IL27: variants seen among roughly 807,000 people sequenced by gnomAD.
The protein encoded by IL27 is interleukin-27 subunit alpha.
In IL27, 11 loss-of-function variants were observed where a neutral mutation model predicts 27.0. The observed-to-expected ratio is 0.41, with a 90% CI of 0.26 to 0.67. The LOEUF is 0.67. Among genes scored for constraint, IL27 ranks in the 30% least tolerant of loss-of-function variants. The probability of loss-of-function intolerance (pLI) is 0.34; values close to 1 mark genes in which losing one functional copy is unlikely to be tolerated. For missense variants in IL27, 299 were observed against 310.4 expected, an observed-to-expected ratio of 0.96 and a Z score of 0.28; for synonymous variants, 134 against 140.6, an observed-to-expected ratio of 0.95 and a Z score of 0.33.
chr16:28,499,804 G>A lies in IL27; in HGVS notation c.579C>T (p.Ala193=), dbSNP rs752988886. Reference sequence around the variant, plus strand: ...AGAGGAGCTGGGGCCAGGACACCTGGGCCGGGCCCTGTAAGGCGCTGCCCA... The same window carrying A: ...AGAGGAGCTGGGGCCAGGACACCTGAGCCGGGCCCTGTAAGGCGCTGCCCA... ...GALGSALQGP[A]QVSWPQLLST... is the part of the protein sequence containing the mutation. Residue 193 remains alanine (A), a synonymous_variant, in exon 5 of 5, where the codon GCC becomes GCT. Transcript: ENST00000356897. The A allele has an allele frequency of 1.9e-6, 3 of 1,605,066 alleles. No homozygotes were observed. In the African/African-American group the frequency reaches 4.0e-5, roughly 22 times the overall value.
At chr16:28,501,876 C>G in intron 4 of IL27, 100 bp downstream of exon 4, 1 of 1,385,702 alleles carries the variant, frequency 7.2e-7, no homozygotes, top group Non-Finnish European at 9.9e-7. Flanking sequence ...CACACTCACA[C>G]TCTCACACTC....
intron 1 of IL27, 117 bp from the exon 2 acceptor site, chr16:28,504,167 T>C (rs2046449062): frequency 3.7e-6 from 4 of 1,069,326 alleles, no homozygotes; most frequent in Admixed American, 3.0e-5. Context: ...ACCAGCATCA[T>C]TCCTCTGCCT....
chr16:28,505,963 A>G (rs1188470182), intron 1 of IL27, among the ~76,000 whole-genome samples: 1 of 151,954 alleles, frequency 6.6e-6, no homozygotes, highest in Non-Finnish European at 1.5e-5. Context: ...CTAACGTAAG[A>G]TCTCTGGCAT....
chr16:28,506,719 C>A, intron 1 of IL27, 62 bp downstream of exon 1: 1 of 1,563,652 alleles, frequency 6.4e-7, no homozygotes. Flanking sequence ...TCTGCACCAG[C>A]CAAGCTCGTC....
chr16:28,503,950 C>G lies in IL27; in HGVS notation c.132G>C (p.Arg44=), dbSNP rs780163248. ...GATGCAGGCTGACTGTGAACTCCCT[C>G]CGCAGCTCCTGCAGGCTCAGCTGGG... ...GRPQLSLQEL[R]REFTVSLHLA... is the part of the protein sequence containing the mutation. The change falls in exon 2 of 5, where the codon CGG becomes CGC. Residue 44 remains arginine (R), a synonymous_variant. Coordinates refer to ENST00000356897, the MANE Select transcript of IL27 (RefSeq NM_145659.3). The G allele has an allele frequency of 1.1e-5, 17 of 1,614,096 alleles. No homozygotes were observed. The South Asian group carries it at 1.9e-4, about 18-fold the overall frequency.
rs200290289 is a variant in IL27, at chr16:28,503,734, A to C, written c.264T>G (p.Pro88=). ...LYLLPLGEQL[P]DVSLTFQAWR... ...AGGCCTGGAAGGTCAGGGAAACATC[A>C]GGGAGCTGCTCTCCCAGGGGCAGGA... Residue 88 remains proline, a synonymous_variant, in exon 3 of 5, where the codon CCT becomes CCG. Transcript: ENST00000356897. The C allele has an allele frequency of 3.1e-6, 5 of 1,613,524 alleles. No individual in the cohort carries two copies. In the African/African-American group the frequency reaches 5.3e-5, roughly 17 times the overall value.
rs554944909 is a variant in IL27 at position 28,503,431 on chromosome 16, T to C, written c.303+264A>G. 7.2e-5 allele frequency among the ~76,000 whole-genome samples: 11 copies of C among 152,268 alleles called. No individual in the cohort carries two copies. The East Asian group carries it at 2.1e-3, about 29-fold the overall frequency. On this transcript the variant is annotated intron_variant, in intron 3 of 4. Coordinates refer to ENST00000356897, the MANE Select transcript of IL27 (RefSeq NM_145659.3). ...TGCCTGGCTAACTCTTAAATTTTTT[T>C]TTGTAGAGACAAAGTTTCACTATGT...
At position 28,504,475 on chromosome 16, in the gene IL27, A is replaced by AAAAACAAAACAAAACAAAAC. The variant is rs200363028; in HGVS notation, c.32-445_32-426dup. Among the ~76,000 whole-genome samples, 3 of 151,488 alleles carry AAAAACAAAACAAAACAAAAC rather than the reference A, an allele frequency of 2.0e-5. No homozygotes were observed. The East Asian group carries it at 5.8e-4, about 29-fold the overall frequency. ...GCGACAGAGCCAGACTCTGTCTCAA[A>AAAAACAAAACAAAACAAAAC]AAAACAAAACAAAACAAAACAAAAC... On this transcript the variant is annotated intron_variant, in intron 1 of 4. Transcript: ENST00000356897.
chr16:28,502,675 G>A (rs904649265), intron 3 of IL27, among the ~76,000 whole-genome samples: 1 of 151,408 alleles, frequency 6.6e-6, no homozygotes, highest in Non-Finnish European at 1.5e-5. Context: ...CTAACTATCC[G>A]CATTCTCACC....
At position 28,503,986 on chromosome 16, in the gene IL27, G is replaced by C. The variant is rs762762170; in HGVS notation, c.96C>G (p.Pro32=). ...VQAGVWGFPR[P]PGRPQLSLQE... is the part of the protein sequence containing the mutation. ...GCAGGCTCAGCTGGGGCCTCCCTGG[G>C]GGCCTTGGGAATCCCCAGACACCAG... Residue 32 remains proline, a synonymous_variant, in exon 2 of 5, where the codon CCC becomes CCG. Coordinates refer to ENST00000356897, the MANE Select transcript of IL27 (RefSeq NM_145659.3). 4 of 1,613,874 alleles carry C rather than the reference G, an allele frequency of 2.5e-6. No homozygotes were observed. In the Admixed American group the frequency reaches 6.7e-5, roughly 27 times the overall value.
chr16:28,499,642 A>G lies in IL27; in HGVS notation c.*9T>C. The stretch of plus-strand genomic sequence containing the variant: ...AAGGGTGGGGGGCAGGGGGCTAAGA[A>G]GCCACCGATCAGGGCTGGGGGCTCA... On this transcript the variant is annotated 3_prime_UTR_variant, in exon 5 of 5. Transcript: ENST00000356897. 1 of 1,602,200 alleles carries G rather than the reference A, an allele frequency of 6.2e-7. No individual in the cohort carries two copies. The highest frequency in any genetic ancestry group is 8.5e-7 in the Non-Finnish European group (1 of 1,173,724).
intron 4 of IL27, among the ~76,000 whole-genome samples, chr16:28,501,745 ACACTCT>A (rs1320585841): frequency 2.9e-5 from 4 of 136,732 alleles, no homozygotes. Flanking sequence ...CCACACTCAC[ACACTCT>A]CACAGTCACA....
intron 1 of IL27, among the ~76,000 whole-genome samples, chr16:28,506,432 G>A (rs756613941): frequency 1.3e-5 from 2 of 152,102 alleles, no homozygotes; most frequent in Non-Finnish European, 2.9e-5. Context: ...CCTCCAGCCG[G>A]CCCCATTCTC....
intron 4 of IL27, among the ~76,000 whole-genome samples, chr16:28,500,356 CCT>C (rs1294992066): frequency 1.3e-5 from 2 of 152,026 alleles, no homozygotes; most frequent in African/African-American, 4.8e-5. Context: ...CTCACTGCAA[CCT>C]CTGTCTCCCC....
rs747064370 is a variant in IL27, at chr16:28,503,952, G to T, written c.130C>A (p.Arg44=). The T allele has an allele frequency of 4.3e-6, 7 of 1,614,034 alleles. No individual in the cohort carries two copies. In the Admixed American group the frequency reaches 5.0e-5, roughly 12 times the overall value. The part of the protein sequence containing the change: ...GRPQLSLQEL[R]REFTVSLHLA... ...TGCAGGCTGACTGTGAACTCCCTCC[G>T]CAGCTCCTGCAGGCTCAGCTGGGGC... The change falls in exon 2 of 5, where the codon CGG becomes AGG. Residue 44 remains arginine (R), a synonymous_variant. Coordinates refer to ENST00000356897, the MANE Select transcript of IL27 (RefSeq NM_145659.3).
chr16:28,503,544 T>A, intron 3 of IL27, 151 bp downstream of exon 3: 1 of 628,026 alleles, frequency 1.6e-6, no homozygotes, highest in Non-Finnish European at 2.8e-6. Context: ...TAAGTCACCA[T>A]GCCTGTCTTT....
In IL27 at chr16:28,503,904, C is replaced by T. The variant is rs755024445; in HGVS notation, c.178G>A (p.Glu60Lys). ...SLHLARKLLS[E>K]VRGQAHRFAE... ...AAGCGGTGGGCCTGGCCCCGAACCT[C>T]GGAGAGCAGCTTCCTGGCGAGATGC... The change falls in exon 2 of 5, where the codon GAG becomes AAG. Residue 60 changes from glutamate to lysine, a missense_variant. Physicochemically the swap from Glu to Lys is moderately conservative, Grantham distance 56 (BLOSUM62 1). Transcript: ENST00000356897. The T allele has an allele frequency of 3.7e-6, 6 of 1,614,056 alleles. No homozygotes were observed. Among genetic ancestry groups the T allele is most frequent in the African/African-American group, 1.3e-5 (1 of 74,936 alleles).
chr16:28,502,015 C>T lies in IL27; in HGVS notation c.423G>A (p.Arg141=). ...GCCGCTGCAGATCGCGGAGGTCCAGCCTCATGGCCCACAGCTGCATCCTCT... is the reference window on the plus strand; with the variant it reads ...GCCGCTGCAGATCGCGGAGGTCCAGTCTCATGGCCCACAGCTGCATCCTCT... ...NMERMQLWAM[R]LDLRDLQRHL... The change falls in exon 4 of 5, where the codon AGG becomes AGA. Residue 141 remains arginine, a synonymous_variant. Transcript: ENST00000356897. The T allele has an allele frequency of 6.2e-7, 1 of 1,611,888 alleles. No individual in the cohort carries two copies.
intron 1 of IL27, 59 bp downstream of exon 1, chr16:28,506,722 A>C: frequency 1.0e-5 from 16 of 1,571,834 alleles, no homozygotes; most frequent in Non-Finnish European, 1.4e-5. Context: ...GCACCAGCCA[A>C]GCTCGTCCAT....
Sources: allele counts gnomAD v4.1 joint callset (sites outside exome capture counted in the v4.1 genomes callset), GRCh38; gene constraint gnomAD v4.1.1; transcripts MANE v1.5; gene names NCBI Gene and HGNC (gene_info 2026-07-23, HGNC 2026-07-21).